OCA2: variants seen among roughly 807,000 people sequenced by gnomAD.
OCA2 encodes the protein OCA2 melanosomal transmembrane protein.
In OCA2, 77 loss-of-function variants were observed where a neutral mutation model predicts 100.2. The ratio of observed to expected loss-of-function variants is 0.77; its 90% CI spans 0.64 to 0.93. The LOEUF is 0.93. Among genes scored for constraint, OCA2 ranks in the 40% least tolerant of loss-of-function variants. The pLI is 0.00. For synonymous variants in OCA2, 432 were observed against 439.2 expected (o/e 0.98, Z 0.21); for missense variants, 1,062 against 1,089.1 (o/e 0.98, Z 0.35).
chr15:28,013,559 C>T (rs1197349927), intron 9 of OCA2, among the ~76,000 whole-genome samples: 1 of 152,154 alleles, frequency 6.6e-6, no homozygotes, highest in East Asian at 1.9e-4. Flanking sequence ...ACCATCTAAC[C>T]GGCCTCCACA....
Position 27,760,406 on chromosome 15 carries a change from G to C in OCA2, c.2433-4934C>G, listed in dbSNP as rs530179133. On this transcript the variant is annotated intron_variant, in intron 23 of 23. Transcript: ENST00000354638. ...TTTAAGTTCCCATCTTAAGGAAATA[G>C]AAAAAGAATTTAAAAATAAACCCAA... Among the ~76,000 whole-genome samples, 13 of 151,248 alleles carry C rather than the reference G, an allele frequency of 8.6e-5. No homozygotes were observed. The East Asian group carries it at 2.3e-3, about 27-fold the overall frequency.
chr15:27,874,346 G>T (rs183450496), intron 19 of OCA2, among the ~76,000 whole-genome samples: 1 of 152,338 alleles, frequency 6.6e-6, no homozygotes, highest in African/African-American at 2.4e-5. Flanking sequence ...GTGAACACCT[G>T]TGAGGGTTGT....
Position 28,081,832 on chromosome 15 carries a change from G to A in OCA2, c.43C>T (p.Pro15Ser), listed in dbSNP as rs775303364. Residue 15 changes from proline (P) to serine (S), a missense_variant, in exon 2 of 24, where the codon CCG becomes TCG. Coordinates refer to ENST00000354638, the MANE Select transcript of OCA2 (RefSeq NM_000275.3). ...GACGTCTGCAGGAGCTCCACCGCCG[G>A]CGCGCCGGGGTACCGCCTGCCGTCT... ...GRDGRRYPGAPAVELLQTSVP... is the reference protein window; with the variant it reads ...GRDGRRYPGASAVELLQTSVP... The A allele has an allele frequency of 1.9e-6, 3 of 1,611,586 alleles. No individual in the cohort carries two copies. The highest frequency in any genetic ancestry group is 1.7e-6 in the Non-Finnish European group (2 of 1,179,764).
intron 11 of OCA2, among the ~76,000 whole-genome samples, chr15:27,988,921 CG>C: frequency 2.0e-5 from 3 of 152,216 alleles, no homozygotes; most frequent in Admixed American, 2.0e-4. Context: ...TTGGGAGGGA[CG>C]AAATGTTGGC....
chr15:27,770,601 G>T (rs1430080179), intron 23 of OCA2, among the ~76,000 whole-genome samples: 1 of 151,866 alleles, frequency 6.6e-6, no homozygotes, highest in African/African-American at 2.4e-5. Flanking sequence ...GCTGCCCTTG[G>T]CCTCCCGTGT....
intron 21 of OCA2, among the ~76,000 whole-genome samples, chr15:27,860,408 A>G (rs1199274635): frequency 5.3e-5 from 8 of 152,184 alleles, no homozygotes; most frequent in Admixed American, 3.9e-4. Context: ...CCAAGCAGTG[A>G]GCATAGTACC....
intron 23 of OCA2, among the ~76,000 whole-genome samples, chr15:27,824,622 A>ATAT (rs56130193): frequency 2.9e-5 from 2 of 69,176 alleles, no homozygotes; most frequent in Non-Finnish European, 5.3e-5. Flanking sequence ...ATATATATAT[A>ATAT]ATATAATATA....
chr15:27,767,064 C>A (rs2031321533), intron 23 of OCA2, among the ~76,000 whole-genome samples: 1 of 152,052 alleles, frequency 6.6e-6, no homozygotes, highest in Non-Finnish European at 1.5e-5. Context: ...TGGCTTCTCC[C>A]TTTTCTAGGT....
intron 23 of OCA2, among the ~76,000 whole-genome samples, chr15:27,803,332 T>G (rs187385538): frequency 6.6e-6 from 1 of 152,204 alleles, no homozygotes; most frequent in Admixed American, 6.5e-5. Context: ...AGCAACCCAG[T>G]ATCCGTTGAC....
At chr15:27,976,910 A>T (rs2040985777) in intron 14 of OCA2, among the ~76,000 whole-genome samples, 1 of 136,654 alleles carries the variant, frequency 7.3e-6, no homozygotes. Context: ...TCTTTGTGGG[A>T]AGGTTTTTAA....
At chr15:27,800,006 T>C (rs1479465860) in intron 23 of OCA2, among the ~76,000 whole-genome samples, 2 of 152,164 alleles carry the variant, frequency 1.3e-5, no homozygotes, top group Non-Finnish European at 1.5e-5. Flanking sequence ...ACAAGGTATC[T>C]TACCCAGCCA....
At chr15:28,094,070 T>C (rs528063737) in intron 1 of OCA2, among the ~76,000 whole-genome samples, 109 of 152,302 alleles carry the variant, frequency 7.2e-4, no homozygotes, top group Non-Finnish European at 1.2e-3. Context: ...TAGTCCCACC[T>C]GGTCATCGCC....
chr15:27,769,091 C>A (rs539830636), intron 23 of OCA2, among the ~76,000 whole-genome samples: 1 of 152,288 alleles, frequency 6.6e-6, no homozygotes, highest in South Asian at 2.1e-4. Context: ...TGTCTTGCAC[C>A]CTAAGCCTCT....
downstream of OCA2, among the ~76,000 whole-genome samples, chr15:27,751,748 A>C (rs1202206634): frequency 1.3e-5 from 2 of 152,138 alleles, no homozygotes; most frequent in African/African-American, 4.8e-5. Flanking sequence ...CCTTGAGGGG[A>C]GAATAGGAGT....
At chr15:28,018,674 C>T (rs1002920629) in intron 6 of OCA2, 117 bp from the exon 7 acceptor site, 2 of 973,852 alleles carry the variant, frequency 2.1e-6, no homozygotes, top group African/African-American at 1.6e-5. Context: ...CCCCAGGTGC[C>T]CCACGCCCTT....
chr15:28,061,860 A>G (rs1202041642), intron 2 of OCA2, among the ~76,000 whole-genome samples: 1 of 152,240 alleles, frequency 6.6e-6, no homozygotes, highest in South Asian at 2.1e-4. Flanking sequence ...TTCACTGAGC[A>G]TGTCCTTAAG....
chr15:28,034,359 T>G (rs1054202036), intron 2 of OCA2, among the ~76,000 whole-genome samples: 3 of 152,184 alleles, frequency 2.0e-5, no homozygotes, highest in African/African-American at 7.2e-5. Flanking sequence ...TAAAGATAGA[T>G]TGTGGATATT....
At chr15:27,999,666 G>C (rs1243048780) in intron 9 of OCA2, among the ~76,000 whole-genome samples, 3 of 152,152 alleles carry the variant, frequency 2.0e-5, no homozygotes, top group Non-Finnish European at 4.4e-5. Context: ...AATTGGAAAG[G>C]ATGAAGTTAA....
At chr15:27,976,016 G>A (rs1159175066) in intron 14 of OCA2, among the ~76,000 whole-genome samples, 1 of 151,026 alleles carries the variant, frequency 6.6e-6, no homozygotes, top group Non-Finnish European at 1.5e-5. Context: ...ATGCAATACT[G>A]AATACAGCAT....
Sources: gnomAD v4.1 joint callset for allele counts (sites outside exome capture counted in the v4.1 genomes callset) on GRCh38, gnomAD v4.1.1 for gene constraint, MANE v1.5 for transcripts, NCBI Gene and HGNC (gene_info 2026-07-23, HGNC 2026-07-21) for gene names.